Variants in TUT4 observed in about 807,000 individuals in gnomAD.
TUT4 encodes the protein terminal uridylyltransferase 4.
In TUT4, 36 loss-of-function variants were observed where a neutral mutation model predicts 192.2. The observed-to-expected ratio is 0.19, with a 90% CI of 0.14 to 0.25. TUT4 has a LOEUF of 0.25. TUT4 is among the 10% of genes least tolerant of loss of function. The pLI is 1.00. For missense variants in TUT4, 1,493 were observed against 1,957.2 expected, an observed-to-expected ratio of 0.76 and a Z score of 4.47; for synonymous variants, 618 against 666.0, an observed-to-expected ratio of 0.93 and a Z score of 1.11.
intron 20 of TUT4, 149 bp downstream of exon 20, chr1:52,458,187 T>C (rs1661505361): frequency 3.8e-6 from 2 of 529,244 alleles, no homozygotes; most frequent in South Asian, 6.5e-5. Flanking sequence ...AAAATATTCA[T>C]TGTTTAATTA....
chr1:52,508,774 C>T (rs1037363683), intron 4 of TUT4, among the ~76,000 whole-genome samples: 4 of 152,148 alleles, frequency 2.6e-5, no homozygotes, highest in Non-Finnish European at 5.9e-5. Context: ...AGTATTATTA[C>T]TGCTGTTGTA....
intron 2 of TUT4, among the ~76,000 whole-genome samples, chr1:52,518,010 G>A (rs1679166550): frequency 6.6e-6 from 1 of 152,136 alleles, no homozygotes; most frequent in Non-Finnish European, 1.5e-5. Flanking sequence ...TTAATTTTCT[G>A]GAATCAACAT....
At chr1:52,507,595 A>G (rs982065797) in intron 4 of TUT4, among the ~76,000 whole-genome samples, 2 of 152,242 alleles carry the variant, frequency 1.3e-5, no homozygotes, top group Middle Eastern at 3.4e-3. Context: ...ATAATGTTCT[A>G]AAGTTTCCCT....
At chr1:52,459,806 TAGG>T (rs56897733) in intron 19 of TUT4, among the ~76,000 whole-genome samples, 10,000 of 151,312 alleles carry the variant, frequency 0.066, 1,081 homozygotes, top group African/African-American at 0.23. Context: ...TGCTTGAATC[TAGG>T]AGGTGGAGGT....
At chr1:52,545,530 T>C (rs1252517696) in intron 1 of TUT4, among the ~76,000 whole-genome samples, 1 of 151,990 alleles carries the variant, frequency 6.6e-6, no homozygotes, top group African/African-American at 2.4e-5. Context: ...AGGGCTGGCA[T>C]AGACATTTCT....
intron 2 of TUT4, 136 bp downstream of exon 2, chr1:52,525,427 A>T: frequency 8.8e-7 from 1 of 1,133,780 alleles, no homozygotes; most frequent in Non-Finnish European, 1.2e-6. Flanking sequence ...AAGTATTATT[A>T]ATGTGGATGT....
At chr1:52,511,145 T>G (rs1677044015) in intron 3 of TUT4, among the ~76,000 whole-genome samples, 2 of 152,216 alleles carry the variant, frequency 1.3e-5, no homozygotes, top group Admixed American at 1.3e-4. Context: ...CCATCCCTTA[T>G]AGAGTATTAA....
At chr1:52,533,633 C>T (rs185822662) in intron 1 of TUT4, among the ~76,000 whole-genome samples, 132 of 152,162 alleles carry the variant, frequency 8.7e-4, no homozygotes, top group African/African-American at 3.0e-3. Flanking sequence ...GATTTATTCC[C>T]TTGTTTTTGG....
At chr1:52,463,241 T>C in intron 16 of TUT4, 1 of 987,444 alleles carries the variant, frequency 1.0e-6, no homozygotes, top group Non-Finnish European at 1.2e-6. Flanking sequence ...CTCTAACCTC[T>C]TTCCTGGGTA....
At chr1:52,488,343 T>C (rs1444870854) in intron 9 of TUT4, among the ~76,000 whole-genome samples, 1 of 152,234 alleles carries the variant, frequency 6.6e-6, no homozygotes, top group Non-Finnish European at 1.5e-5. Flanking sequence ...TTTGGACTGA[T>C]ATTGATAATT....
intron 1 of TUT4, among the ~76,000 whole-genome samples, chr1:52,550,527 G>A (rs967225765): frequency 2.2e-5 from 3 of 134,240 alleles, no homozygotes; most frequent in African/African-American, 8.7e-5. Context: ...GTTTAAGACA[G>A]GGTCTTACTC....
At chr1:52,424,494 A>C (rs985378330) in intron 29 of TUT4, 1 of 154,788 alleles carries the variant, frequency 6.5e-6, no homozygotes, top group Non-Finnish European at 1.4e-5. Flanking sequence ...GCCTGTTTTA[A>C]CTTCTTGAAC....
chr1:52,535,558 G>A (rs1040190380), intron 1 of TUT4, among the ~76,000 whole-genome samples: 10 of 152,066 alleles, frequency 6.6e-5, no homozygotes, highest in South Asian at 6.2e-4. Flanking sequence ...TCTACCAAGC[G>A]TACCAACATA....
chr1:52,435,218 C>A, intron 27 of TUT4, 147 bp downstream of exon 27: 1 of 498,694 alleles, frequency 2.0e-6, no homozygotes, highest in Non-Finnish European at 3.4e-6. Flanking sequence ...ATGCTCATTC[C>A]ACCTTATGTG....
At chr1:52,548,232 C>T (rs865831277) in intron 1 of TUT4, among the ~76,000 whole-genome samples, 7 of 152,186 alleles carry the variant, frequency 4.6e-5, no homozygotes, top group African/African-American at 1.7e-4. Flanking sequence ...ATGACTAGCA[C>T]TTAATGAACA....
intron 28 of TUT4, among the ~76,000 whole-genome samples, chr1:52,427,390 T>C (rs887475433): frequency 4.6e-5 from 7 of 152,112 alleles, no homozygotes; most frequent in Non-Finnish European, 8.8e-5. Context: ...TAAGAGATAG[T>C]ACAGTATGTT....
intron 13 of TUT4, among the ~76,000 whole-genome samples, chr1:52,472,859 C>G (rs1408068773): frequency 6.6e-6 from 1 of 152,032 alleles, no homozygotes; most frequent in Non-Finnish European, 1.5e-5. Context: ...TGCCTACATC[C>G]TAAAGTGTCT....
chr1:52,526,702 GA>G (rs2149470475), intron 1 of TUT4, among the ~76,000 whole-genome samples: 1 of 152,244 alleles, frequency 6.6e-6, no homozygotes, highest in Admixed American at 6.5e-5. Flanking sequence ...CAATTAACAT[GA>G]AAGGAAACAG....
intron 24 of TUT4, among the ~76,000 whole-genome samples, chr1:52,441,197 ATACTACG>A (rs1221211674): frequency 1.3e-5 from 2 of 151,842 alleles, no homozygotes; most frequent in Admixed American, 6.6e-5. Context: ...TATTTATTTG[ATACTACG>A]TACTGTCTCA....
Sources: allele counts gnomAD v4.1 joint callset (sites outside exome capture counted in the v4.1 genomes callset), GRCh38; gene constraint gnomAD v4.1.1; transcripts MANE v1.5; gene names NCBI Gene and HGNC (gene_info 2026-07-23, HGNC 2026-07-21).